Variants in NDUFAF2 observed in about 807,000 individuals in gnomAD.
NDUFAF2 encodes NADH:ubiquinone oxidoreductase complex assembly factor 2.
A neutral mutation model predicts 22.8 loss-of-function variants in NDUFAF2; 13 were observed. The ratio of observed to expected loss-of-function variants is 0.57; its 90% CI spans 0.37 to 0.91. The LOEUF is 0.91. NDUFAF2 is among the 40% of genes least tolerant of loss of function. The pLI, the probability that NDUFAF2 is intolerant of heterozygous loss-of-function variation, is 0.01. For missense variants in NDUFAF2, 162 were observed against 195.2 expected (o/e 0.83, Z 1.01); for synonymous variants, 53 against 64.2 (o/e 0.83, Z 0.84).
chr5:61,132,958 A>G (rs529059955), intron 3 of NDUFAF2, among the ~76,000 whole-genome samples: 1 of 151,956 alleles, frequency 6.6e-6, no homozygotes, highest in South Asian at 2.1e-4. Flanking sequence ...AAGAAGGGAA[A>G]AGCTTGCACT....
At chr5:61,118,079 TGA>T (rs1752934814) in intron 3 of NDUFAF2, among the ~76,000 whole-genome samples, 2 of 152,188 alleles carry the variant, frequency 1.3e-5, no homozygotes, top group African/African-American at 4.8e-5. Context: ...ACTATCTACC[TGA>T]GAACTCTTTC....
chr5:60,978,941 C>T (rs757024298), intron 1 of NDUFAF2, among the ~76,000 whole-genome samples: 143 of 152,224 alleles, frequency 9.4e-4, no homozygotes, highest in African/African-American at 3.2e-3. Flanking sequence ...AGCGTAAACA[C>T]GACTTTGTTC....
At chr5:61,078,543 C>A (rs1392247914) in intron 2 of NDUFAF2, among the ~76,000 whole-genome samples, 2 of 152,014 alleles carry the variant, frequency 1.3e-5, no homozygotes, top group Non-Finnish European at 2.9e-5. Context: ...GAGTTCTAGA[C>A]CAGCCTGTAC....
chr5:61,024,923 C>T (rs1193924820), intron 1 of NDUFAF2, among the ~76,000 whole-genome samples: 1 of 152,042 alleles, frequency 6.6e-6, no homozygotes, highest in South Asian at 2.1e-4. Context: ...TTTCATGCTT[C>T]CATGTGTTTA....
intron 1 of NDUFAF2, among the ~76,000 whole-genome samples, chr5:60,961,045 A>T (rs544183851): frequency 1.3e-5 from 2 of 152,082 alleles, no homozygotes; most frequent in Non-Finnish European, 2.9e-5. Context: ...ATTATTGTTG[A>T]TGGTAGTGGT....
intron 1 of NDUFAF2, among the ~76,000 whole-genome samples, chr5:61,063,960 A>G (rs983267101): frequency 6.6e-6 from 1 of 152,170 alleles, no homozygotes; most frequent in African/African-American, 2.4e-5. Flanking sequence ...ATGGAGTTAA[A>G]AAGAAAAACA....
At chr5:61,108,096 A>G (rs1400919241) in intron 3 of NDUFAF2, among the ~76,000 whole-genome samples, 3 of 148,838 alleles carry the variant, frequency 2.0e-5, no homozygotes, top group Non-Finnish European at 3.0e-5. Context: ...AATCCAGTCT[A>G]TCATTGTTGG....
chr5:61,127,205 G>T (rs1439307694), intron 3 of NDUFAF2, among the ~76,000 whole-genome samples: 1 of 152,042 alleles, frequency 6.6e-6, no homozygotes, highest in Non-Finnish European at 1.5e-5. Context: ...TCTACCAGAG[G>T]TACAAGAAGG....
chr5:61,040,293 C>T (rs966378871), intron 1 of NDUFAF2, among the ~76,000 whole-genome samples: 3 of 127,824 alleles, frequency 2.3e-5, no homozygotes, highest in East Asian at 4.0e-4. Flanking sequence ...CACACGCGCG[C>T]GCGCGCGCGA....
Position 61,039,437 on chromosome 5 carries a change from TC to T in NDUFAF2, c.128-33685del, listed in dbSNP as rs77676913. Among the ~76,000 whole-genome samples, 250 of 152,298 alleles carry T rather than the reference TC, an allele frequency of 1.6e-3. 4 individuals carry two copies. In the East Asian group the frequency reaches 0.042, roughly 25 times the overall value. On this transcript the variant is annotated intron_variant, in intron 1 of 3. Transcript: ENST00000296597. The stretch of plus-strand genomic sequence containing the variant: ...ACCATGAATGCTATCTTTTTTAGAA[TC>T]CCAAAATTTAAAGAAATATTTCTGC...
At chr5:61,035,132 TCTC>T (rs1197814971) in intron 1 of NDUFAF2, among the ~76,000 whole-genome samples, 2 of 151,560 alleles carry the variant, frequency 1.3e-5, no homozygotes, top group African/African-American at 2.4e-5. Context: ...AGTGGCGTGA[TCTC>T]AGCTTACTGC....
At chr5:61,023,496 G>T (rs1751611685) in intron 1 of NDUFAF2, among the ~76,000 whole-genome samples, 1 of 151,934 alleles carries the variant, frequency 6.6e-6, no homozygotes, top group Non-Finnish European at 1.5e-5. Flanking sequence ...ATCTTTACTA[G>T]GGACTATGTA....
At chr5:60,963,853 G>C (rs1750721393) in intron 1 of NDUFAF2, among the ~76,000 whole-genome samples, 1 of 152,194 alleles carries the variant, frequency 6.6e-6, no homozygotes, top group Non-Finnish European at 1.5e-5. Flanking sequence ...GGTTAGGGTA[G>C]ATTCATTGAG....
intron 1 of NDUFAF2, among the ~76,000 whole-genome samples, chr5:61,026,182 G>A (rs1751647096): frequency 6.6e-6 from 1 of 152,090 alleles, no homozygotes; most frequent in Non-Finnish European, 1.5e-5. Flanking sequence ...GACGTCTCAT[G>A]AAATTTGCAG....
chr5:61,074,226 C>T (rs531645526), intron 2 of NDUFAF2, among the ~76,000 whole-genome samples: 140 of 152,044 alleles, frequency 9.2e-4, no homozygotes, highest in African/African-American at 3.2e-3. Context: ...TCGAAGTGGG[C>T]GGATCATCTG....
At chr5:60,994,439 G>T (rs376355646) in intron 1 of NDUFAF2, among the ~76,000 whole-genome samples, 2 of 152,206 alleles carry the variant, frequency 1.3e-5, no homozygotes, top group Admixed American at 1.3e-4. Flanking sequence ...CTCCACCAAC[G>T]TGGAAAGAGC....
chr5:61,056,779 C>T (rs1752096971), intron 1 of NDUFAF2, among the ~76,000 whole-genome samples: 1 of 149,464 alleles, frequency 6.7e-6, no homozygotes. Context: ...TCCCCAGCTA[C>T]TCAGGAGGCT....
intron 3 of NDUFAF2, among the ~76,000 whole-genome samples, chr5:61,128,446 CAG>C (rs1561573420): frequency 6.6e-6 from 1 of 152,172 alleles, no homozygotes; most frequent in Non-Finnish European, 1.5e-5. Context: ...GGTACCAAAA[CAG>C]AGATATAGAC....
At chr5:61,129,006 A>G (rs1407674528) in intron 3 of NDUFAF2, among the ~76,000 whole-genome samples, 1 of 152,258 alleles carries the variant, frequency 6.6e-6, no homozygotes, top group Non-Finnish European at 1.5e-5. Context: ...GACACTTCTC[A>G]AAAGAAGACA....
Sources: gnomAD v4.1 joint callset for allele counts (sites outside exome capture counted in the v4.1 genomes callset) on GRCh38, gnomAD v4.1.1 for gene constraint, MANE v1.5 for transcripts, NCBI Gene and HGNC (gene_info 2026-07-23, HGNC 2026-07-21) for gene names.